The following CCAR1 variants were observed in gnomAD, a reference collection of about 807,000 sequenced individuals.
CCAR1 encodes cell division cycle and apoptosis regulator protein 1.
A neutral mutation model predicts 163.8 loss-of-function variants in CCAR1; 78 were observed. That is an observed-to-expected ratio of 0.48 (90% CI 0.40 to 0.57). The LOEUF (loss-of-function observed/expected upper bound fraction) is 0.57. CCAR1 is among the 20% of genes least tolerant of loss of function. The probability of loss-of-function intolerance (pLI) is 0.00; values close to 1 mark genes in which losing one functional copy is unlikely to be tolerated. For synonymous variants in CCAR1, 443 were observed against 460.7 expected (o/e 0.96, Z 0.49); for missense variants, 1,019 against 1,365.2 (o/e 0.75, Z 4.00).
rs772492295 is a variant in CCAR1 at position 68,761,125 on chromosome 10, A to C, written c.2039A>C (p.Lys680Thr). 1.2e-6 allele frequency: 2 copies of C among 1,611,502 alleles called. No homozygotes were observed. Among genetic ancestry groups the C allele is most frequent in the Non-Finnish European group, 1.7e-6 (2 of 1,178,992 alleles). Residue 680 changes from lysine (K) to threonine (T), a missense_variant, in exon 16 of 25, where the codon AAG becomes ACG. Around this residue, in one of 4 missense-constraint regions of CCAR1, gnomAD observed 644 missense variants for 904.4 expected, o/e 0.71. Coordinates refer to ENST00000265872, the MANE Select transcript of CCAR1 (RefSeq NM_018237.4). Reference sequence around the variant, plus strand: ...GTAGAGGAACAAAAAGAAGAACAGAAGGAGTTAGAGAAATCTGAAAAAGAA... The same window carrying C: ...GTAGAGGAACAAAAAGAAGAACAGACGGAGTTAGAGAAATCTGAAAAAGAA... ...LKVEEQKEEQ[K>T]ELEKSEKEED...
chr10:68,730,926 C>G (rs1304565931), intron 2 of CCAR1, among the ~76,000 whole-genome samples: 3 of 152,118 alleles, frequency 2.0e-5, no homozygotes, highest in Admixed American at 6.6e-5. Flanking sequence ...TTGCTGGGCT[C>G]AAGCAGTCAG....
Position 68,733,371 on chromosome 10 carries a change from G to A in CCAR1, c.74-3505G>A, listed in dbSNP as rs191968496. The stretch of plus-strand genomic sequence containing the variant: ...GGTTGCAGTGAGCCAAGATTCTGCC[G>A]CTGCACTTGAGCCTGTGTGACAGAG... On this transcript the variant is annotated intron_variant, in intron 2 of 24. Coordinates refer to ENST00000265872, the MANE Select transcript of CCAR1 (RefSeq NM_018237.4). 2.8e-3 allele frequency among the ~76,000 whole-genome samples: 424 copies of A among 152,138 alleles called. 3 individuals are homozygous for A. Among genetic ancestry groups the A allele is most frequent in the Non-Finnish European group, 4.6e-3 (310 of 68,002 alleles).
chr10:68,780,465 T>C (rs769662804), intron 19 of CCAR1, among the ~76,000 whole-genome samples: 1 of 152,248 alleles, frequency 6.6e-6, no homozygotes, highest in Non-Finnish European at 1.5e-5. Flanking sequence ...AGCGATGTGA[T>C]GACAGGTATG....
At chr10:68,785,256 T>C (rs566567160) in intron 19 of CCAR1, among the ~76,000 whole-genome samples, 1 of 151,202 alleles carries the variant, frequency 6.6e-6, no homozygotes, top group South Asian at 2.1e-4. Flanking sequence ...GGTCTCGCTT[T>C]GTTTTCCAGG....
chr10:68,778,410 C>A (rs2056694648), intron 19 of CCAR1, among the ~76,000 whole-genome samples: 1 of 152,124 alleles, frequency 6.6e-6, no homozygotes, highest in Non-Finnish European at 1.5e-5. Context: ...TCCTTAGTTT[C>A]TCATATATGA....
At chr10:68,768,565 T>A (rs527648941) in intron 17 of CCAR1, among the ~76,000 whole-genome samples, 6 of 152,324 alleles carry the variant, frequency 3.9e-5, no homozygotes, top group Non-Finnish European at 7.3e-5. Context: ...GAGCCAAGAT[T>A]GTGCCACTGC....
At chr10:68,732,662 T>G (rs2056056779) in intron 2 of CCAR1, among the ~76,000 whole-genome samples, 1 of 152,210 alleles carries the variant, frequency 6.6e-6, no homozygotes, top group Admixed American at 6.5e-5. Context: ...ACAGTTGTTC[T>G]TAACCTTTCT....
At chr10:68,743,407 A>G (rs1327168388) in intron 6 of CCAR1, among the ~76,000 whole-genome samples, 1 of 151,302 alleles carries the variant, frequency 6.6e-6, no homozygotes, top group Non-Finnish European at 1.5e-5. Context: ...CTCACGATCC[A>G]CCTGCCTCGG....
At position 68,747,449 on chromosome 10, in the gene CCAR1, G is replaced by A. The variant is rs2056271497; in HGVS notation, c.709G>A (p.Gly237Ser). The change falls in exon 8 of 25, where the codon GGT (glycine) becomes AGT (serine). Residue 237 changes from glycine to serine, a missense_variant. This residue lies in a region of CCAR1 where 644 missense variants were observed against 904.4 expected (regional missense o/e 0.71). Transcript: ENST00000265872. ...LQPIAPQTTF[G>S]VQTQPQPQSL... is the part of the protein sequence containing the mutation. The stretch of plus-strand genomic sequence containing the variant: ...GCCAATTGCACCACAGACAACATTT[G>A]GTGTTCAGACTCAGCCCCAGCCCCA... The A allele has an allele frequency of 6.2e-7, 1 of 1,613,834 alleles. No homozygotes were observed. Among genetic ancestry groups the A allele is most frequent in the Non-Finnish European group, 8.5e-7 (1 of 1,179,998 alleles).
intron 19 of CCAR1, among the ~76,000 whole-genome samples, chr10:68,777,221 C>T (rs1473077859): frequency 6.6e-6 from 1 of 152,188 alleles, no homozygotes; most frequent in Non-Finnish European, 1.5e-5. Flanking sequence ...TTATCTCTTG[C>T]CTAGATTATA....
intron 2 of CCAR1, among the ~76,000 whole-genome samples, chr10:68,730,200 G>A (rs568783140): frequency 2.6e-5 from 4 of 152,040 alleles, no homozygotes; most frequent in Admixed American, 1.3e-4. Context: ...GATTACAGGC[G>A]TGAGCTGCTG....
chr10:68,767,202 G>A (rs758366060), intron 17 of CCAR1, among the ~76,000 whole-genome samples: 8 of 152,016 alleles, frequency 5.3e-5, no homozygotes, highest in Non-Finnish European at 1.0e-4. Flanking sequence ...TTTAACTTGC[G>A]TTTGAGTTGT....
chr10:68,752,840 T>C (rs1323590399), intron 10 of CCAR1, among the ~76,000 whole-genome samples: 2 of 151,964 alleles, frequency 1.3e-5, no homozygotes, highest in Non-Finnish European at 2.9e-5. Context: ...CACTGCACTC[T>C]GGCCTGGGCG....
intron 2 of CCAR1, among the ~76,000 whole-genome samples, chr10:68,732,728 A>AT (rs201560753): frequency 6.6e-6 from 1 of 152,088 alleles, no homozygotes; most frequent in African/African-American, 2.4e-5. Context: ...TTTATCTTCC[A>AT]TTTTGCATAC....
At chr10:68,758,334 C>T (rs915438042) in intron 15 of CCAR1, among the ~76,000 whole-genome samples, 8 of 152,038 alleles carry the variant, frequency 5.3e-5, no homozygotes, top group Admixed American at 4.6e-4. Flanking sequence ...GGATTACAGG[C>T]GTGAGCTACT....
At chr10:68,757,645 A>T (rs550013506) in intron 15 of CCAR1, among the ~76,000 whole-genome samples, 3 of 151,942 alleles carry the variant, frequency 2.0e-5, no homozygotes, top group Non-Finnish European at 4.4e-5. Context: ...CGAACTCCTG[A>T]CATCAGGTGA....
At chr10:68,768,683 TTAATAAA>T (rs1300489255) in intron 17 of CCAR1, among the ~76,000 whole-genome samples, 1 of 151,998 alleles carries the variant, frequency 6.6e-6, no homozygotes, top group Admixed American at 6.6e-5. Flanking sequence ...TAATAATCAC[TTAATAAA>T]TAAATACATA....
chr10:68,789,664 G>A, intron 23 of CCAR1, 46 bp from the exon 24 acceptor site: 1 of 1,147,620 alleles, frequency 8.7e-7, no homozygotes, highest in Non-Finnish European at 1.2e-6. Flanking sequence ...AGTTAAATTT[G>A]AAATTTTAGG....
At chr10:68,783,463 G>A (rs1490103895) in intron 19 of CCAR1, among the ~76,000 whole-genome samples, 8 of 151,848 alleles carry the variant, frequency 5.3e-5, no homozygotes, top group East Asian at 3.9e-4. Context: ...GTGAGCCACC[G>A]TTCCTGGCCT....
Sources: allele counts gnomAD v4.1 joint callset (sites outside exome capture counted in the v4.1 genomes callset), GRCh38; gene constraint gnomAD v4.1.1; regional missense constraint gnomAD v4.1.1; transcripts MANE v1.5; gene names NCBI Gene and HGNC (gene_info 2026-07-23, HGNC 2026-07-21).